Variants in CCDC144A observed in about 807,000 individuals in gnomAD.
The protein encoded by CCDC144A is coiled-coil domain containing 144A.
In CCDC144A, 41 loss-of-function variants were observed where a neutral mutation model predicts 143.8. The observed-to-expected ratio is 0.29, with a 90% CI of 0.22 to 0.37. The LOEUF (loss-of-function observed/expected upper bound fraction) is 0.37, where lower values mean the gene tolerates loss of function less well. Among genes scored for constraint, CCDC144A ranks in the 10% least tolerant of loss-of-function variants. The pLI is 1.00. For synonymous variants in CCDC144A, 242 were observed against 517.9 expected, an observed-to-expected ratio of 0.47 and a Z score of 7.23; for missense variants, 637 against 1,488.8, an observed-to-expected ratio of 0.43 and a Z score of 9.41.
At chr17:16,755,604 G>A (rs1350608025) in intron 12 of CCDC144A, among the ~76,000 whole-genome samples, 2 of 152,172 alleles carry the variant, frequency 1.3e-5, no homozygotes, top group Admixed American at 6.5e-5. Context: ...CTGTTGCCCT[G>A]GCTGGAGTTC....
At chr17:16,667,575 C>T in the CCDC144A span, among the ~76,000 whole-genome samples, 825 of 151,988 alleles carry the variant, frequency 5.4e-3, 10 homozygotes, top group Non-Finnish European at 6.8e-3. Flanking sequence ...GCTTTCTCTC[C>T]GGCTGCTCAG....
At chr17:16,753,182 T>G (rs1008716209) in intron 12 of CCDC144A, among the ~76,000 whole-genome samples, 1 of 145,666 alleles carries the variant, frequency 6.9e-6, no homozygotes, top group African/African-American at 2.6e-5. Flanking sequence ...TCCAAAGACC[T>G]ACTCCAAGTG....
In CCDC144A at chr17:16,709,366, A is replaced by G. The variant is rs755270281; in HGVS notation, c.1309A>G (p.Met437Val). The change falls in exon 5 of 17, where the codon ATG becomes GTG. Residue 437 changes from methionine to valine, a missense_variant. By Grantham distance (21) the Met-to-Val change is conservative. Transcript: ENST00000399273. ...GAAAGCAAGGAACCCAGAAGTGGTT[A>G]TGGTTGAAATGAAAGAAGACCAAGA... The part of the protein sequence containing the change: ...TKKARNPEVV[M>V]VEMKEDQEFD... 4 of 1,611,598 alleles carry G rather than the reference A, an allele frequency of 2.5e-6. No homozygotes were observed. The highest frequency in any genetic ancestry group is 3.4e-6 in the Non-Finnish European group (4 of 1,179,666).
At chr17:16,695,614 ACAAAC>A (rs1911354092) in intron 2 of CCDC144A, 3 of 151,936 alleles carry the variant, frequency 2.0e-5, no homozygotes, top group Admixed American at 2.0e-4. Flanking sequence ...AAGAAAAAAA[ACAAAC>A]CAACAAAACC....
chr17:16,694,527 A>T, intron 2 of CCDC144A, among the ~76,000 whole-genome samples: 1 of 152,112 alleles, frequency 6.6e-6, no homozygotes, highest in Admixed American at 6.5e-5. Context: ...GGCTGTAGTG[A>T]GCTGTGATCA....
intron 8 of CCDC144A, among the ~76,000 whole-genome samples, chr17:16,725,590 A>T (rs2143206012): frequency 6.6e-6 from 1 of 152,264 alleles, no homozygotes; most frequent in African/African-American, 2.4e-5. Context: ...ATGCAGGGGC[A>T]TAAAAATGAT....
At chr17:16,764,267 G>C (rs1173549808) in intron 15 of CCDC144A, 92 bp downstream of exon 15, 3 of 1,536,250 alleles carry the variant, frequency 2.0e-6, no homozygotes, top group Non-Finnish European at 2.6e-6. Context: ...CTTGTGTATG[G>C]TAAGTAAAAG....
the CCDC144A span, chr17:16,683,497 C>G: frequency 2.1e-5 from 31 of 1,485,080 alleles, no homozygotes; most frequent in Non-Finnish European, 2.8e-5. Flanking sequence ...TGCCGCCGCT[C>G]TCGCGGGTTC....
chr17:16,672,573 G>A, the CCDC144A span, among the ~76,000 whole-genome samples: 4 of 152,042 alleles, frequency 2.6e-5, no homozygotes, highest in African/African-American at 9.7e-5. Context: ...ATGTAAAATG[G>A]AAACAATTTA....
At chr17:16,717,852 T>G (rs1197318670) in intron 6 of CCDC144A, among the ~76,000 whole-genome samples, 1 of 152,188 alleles carries the variant, frequency 6.6e-6, no homozygotes, top group Admixed American at 6.5e-5. Flanking sequence ...TTTAAAGTTG[T>G]GGTTCTGCGT....
At chr17:16,681,972 A>T in the CCDC144A span, among the ~76,000 whole-genome samples, 1 of 152,064 alleles carries the variant, frequency 6.6e-6, no homozygotes, top group South Asian at 2.1e-4. Context: ...GCTTAAATTC[A>T]TATAGAATAT....
intron 11 of CCDC144A, among the ~76,000 whole-genome samples, chr17:16,733,527 A>G (rs989607648): frequency 1.3e-5 from 2 of 150,326 alleles, no homozygotes; most frequent in African/African-American, 2.4e-5. Context: ...AAAGAAAAGA[A>G]AAATAGTTCA....
Position 16,775,392 on chromosome 17 carries a change from T to C in CCDC144A, c.*1759T>C, listed in dbSNP as rs1457074101. 2 of 152,352 alleles carry C rather than the reference T, an allele frequency of 1.3e-5. No individual in the cohort carries two copies. The highest frequency in any genetic ancestry group is 2.4e-5 in the African/African-American group (1 of 41,572). 9.4% of individuals were successfully genotyped at this position (152,352 alleles called of 1,614,324 possible). ...AGCATCTTTTCATTTTTTTGAATTA[T>C]AGCCATTCTGACTGTTGTGAGATGG... On this transcript the variant is annotated 3_prime_UTR_variant, in exon 17 of 17. Coordinates refer to ENST00000399273, the MANE Select transcript of CCDC144A (RefSeq NM_001382000.1).
At chr17:16,704,402 C>T (rs1911924062) in intron 2 of CCDC144A, among the ~76,000 whole-genome samples, 2 of 152,128 alleles carry the variant, frequency 1.3e-5, no homozygotes, top group African/African-American at 4.8e-5. Context: ...TTGCAGTGAG[C>T]CGAGATTGCG....
upstream of CCDC144A, among the ~76,000 whole-genome samples, chr17:16,688,506 T>TTC (rs1427268629): frequency 1.4e-5 from 2 of 142,846 alleles, no homozygotes; most frequent in Non-Finnish European, 3.0e-5. Flanking sequence ...TTTTTTTTTT[T>TTC]TGAGATGGAG....
chr17:16,744,239 A>G (rs968337609), intron 12 of CCDC144A, among the ~76,000 whole-genome samples: 45 of 152,208 alleles, frequency 3.0e-4, no homozygotes, highest in African/African-American at 1.1e-3. Context: ...TGGCAGTTCT[A>G]CTTTTAGTTC....
intron 15 of CCDC144A, among the ~76,000 whole-genome samples, chr17:16,768,656 T>C (rs1239439665): frequency 1.3e-5 from 2 of 152,278 alleles, no homozygotes; most frequent in African/African-American, 4.8e-5. Context: ...GTACTTTTTA[T>C]AGTTTTATTG....
chr17:16,679,088 CGGG>C, the CCDC144A span, among the ~76,000 whole-genome samples: 3 of 149,360 alleles, frequency 2.0e-5, no homozygotes, highest in African/African-American at 7.3e-5. Context: ...GTAGAGATGG[CGGG>C]GGGGGGTCTC....
intron 12 of CCDC144A, among the ~76,000 whole-genome samples, chr17:16,745,177 A>G (rs921695484): frequency 6.6e-6 from 1 of 151,682 alleles, no homozygotes; most frequent in Non-Finnish European, 1.5e-5. Flanking sequence ...TGTAACAAAC[A>G]AGAACTACTC....
Sources: gnomAD v4.1 joint callset for allele counts (sites outside exome capture counted in the v4.1 genomes callset) on GRCh38, gnomAD v4.1.1 for gene constraint, MANE v1.5 for transcripts, NCBI Gene and HGNC (gene_info 2026-07-23, HGNC 2026-07-21) for gene names.